Variants in CAMTA1 observed in about 807,000 individuals in gnomAD.
CAMTA1 encodes the protein calmodulin binding transcription activator 1.
In CAMTA1, 27 loss-of-function variants were observed where a neutral mutation model predicts 170.9. That is an observed-to-expected ratio of 0.16 (90% confidence interval 0.12 to 0.22). The LOEUF (loss-of-function observed/expected upper bound fraction) is 0.22. Ranked by LOEUF, CAMTA1 falls within the 10% of genes least tolerant of loss-of-function variation. CAMTA1 has a pLI of 1.00. For missense variants in CAMTA1, 1,619 were observed against 2,217.2 expected, an observed-to-expected ratio of 0.73 and a Z score of 5.42; for synonymous variants, 833 against 891.5, an observed-to-expected ratio of 0.93 and a Z score of 1.17.
chr1:7,244,503 A>G (rs999914624), intron 4 of CAMTA1, among the ~76,000 whole-genome samples: 1 of 152,254 alleles, frequency 6.6e-6, no homozygotes, highest in Non-Finnish European at 1.5e-5. Context: ...AATGTCCAAC[A>G]ATGACAGACT....
chr1:7,038,590 T>C (rs1703977773), intron 3 of CAMTA1, among the ~76,000 whole-genome samples: 1 of 152,246 alleles, frequency 6.6e-6, no homozygotes, highest in Non-Finnish European at 1.5e-5. Context: ...CATCTTGATA[T>C]TTTGATTCAT....
At chr1:7,281,295 G>C (rs919139159) in intron 5 of CAMTA1, among the ~76,000 whole-genome samples, 1 of 152,138 alleles carries the variant, frequency 6.6e-6, no homozygotes, top group South Asian at 2.1e-4. Context: ...GGGTTTCAAG[G>C]TTGTAGGTAT....
chr1:7,657,538 G>T (rs370644604), intron 7 of CAMTA1, among the ~76,000 whole-genome samples: 1 of 152,176 alleles, frequency 6.6e-6, no homozygotes, highest in Non-Finnish European at 1.5e-5. Context: ...CTTTTAACGC[G>T]GTTTCCCTTT....
At position 7,766,779 on chromosome 1, in the gene CAMTA1, G is replaced by T; in HGVS notation, c.*288G>T. ...TCACGGGAAATCAAGACACCCAGGA[G>T]GAATTGAAAGAGGCTTCCTCTTCTC... is the stretch of plus-strand genomic sequence containing the variant. On this transcript the variant is annotated 3_prime_UTR_variant, in exon 23 of 23. Transcript: ENST00000303635. The T allele has an allele frequency of 2.4e-6, 1 of 424,802 alleles. No individual in the cohort carries two copies. The highest frequency in any genetic ancestry group is 4.3e-6 in the Non-Finnish European group (1 of 234,602). The allele number at this position is 424,802 out of a possible 1,614,324, so 26.3% of individuals were successfully genotyped here. A position where few individuals can be genotyped will look rare whatever the true frequency, so the allele number is the denominator to read the frequency against.
chr1:7,104,254 TACAC>T (rs768567199), intron 4 of CAMTA1, among the ~76,000 whole-genome samples: 4 of 43,690 alleles, frequency 9.2e-5, no homozygotes, highest in African/African-American at 7.4e-4. Context: ...ACAACACACA[TACAC>T]ACAACTACAT....
intron 3 of CAMTA1, among the ~76,000 whole-genome samples, chr1:6,899,912 C>G (rs956321744): frequency 6.6e-6 from 1 of 152,208 alleles, no homozygotes; most frequent in African/African-American, 2.4e-5. Context: ...CTGTGTTATA[C>G]AAGCATCTTT....
chr1:7,470,013 G>A (rs765817957), intron 6 of CAMTA1, among the ~76,000 whole-genome samples: 1 of 152,206 alleles, frequency 6.6e-6, no homozygotes, highest in Non-Finnish European at 1.5e-5. Flanking sequence ...CCCAGCTGGC[G>A]GGGAAGTTGG....
chr1:7,496,869 C>T (rs1378987018), intron 6 of CAMTA1, among the ~76,000 whole-genome samples: 2 of 151,746 alleles, frequency 1.3e-5, no homozygotes, highest in African/African-American at 4.8e-5. Context: ...AGTCACTGCA[C>T]GGTCAGCAAG....
chr1:6,997,153 G>T (rs1365052993), intron 3 of CAMTA1, among the ~76,000 whole-genome samples: 7 of 152,092 alleles, frequency 4.6e-5, no homozygotes, highest in Admixed American at 4.6e-4. Context: ...TAATTTTTTT[G>T]TGAATGTTCT....
intron 6 of CAMTA1, among the ~76,000 whole-genome samples, chr1:7,599,971 C>T (rs1274049834): frequency 6.6e-5 from 10 of 152,180 alleles, no homozygotes; most frequent in Admixed American, 1.3e-4. Context: ...GAACTTCCAA[C>T]GCTGTGTTGA....
intron 4 of CAMTA1, among the ~76,000 whole-genome samples, chr1:7,129,911 A>T (rs1645146193): frequency 7.5e-6 from 1 of 133,164 alleles, no homozygotes; most frequent in South Asian, 2.6e-4. Flanking sequence ...TTTTAGATCT[A>T]CCTTCTTTTG....
rs529105683 is a variant in CAMTA1 at position 7,671,726 on chromosome 1, G to T, written c.2779+689G>T. ...AATCCCCCAAGAAACCCTTGGGACA[G>T]CCTCTGTGCTGTCCCTGTGCCTCTG... On this transcript the variant is annotated intron_variant, in intron 10 of 22. Transcript: ENST00000303635. 1.3e-3 allele frequency among the ~76,000 whole-genome samples: 192 copies of T among 152,312 alleles called. 1 individual carries two copies. The highest frequency in any genetic ancestry group is 2.9e-3 in the Admixed American group (45 of 15,302).
Position 7,333,998 on chromosome 1 carries a change from G to A in CAMTA1, c.438+84372G>A, listed in dbSNP as rs1424332835. On this transcript the variant is annotated intron_variant, in intron 5 of 22. Transcript: ENST00000303635. This position sits in a 1 kb window ranked among gnomAD's most constrained non-coding sequence, Gnocchi z 4.4. ...CTCTCCAGCCTGATGTGGGCAAATT[G>A]TGTCACGTAGCCAGGCAAGTGGGAA... 1.3e-5 allele frequency among the ~76,000 whole-genome samples: 2 copies of A among 152,146 alleles called. No individual in the cohort carries two copies. The highest frequency in any genetic ancestry group is 2.9e-5 in the Non-Finnish European group (2 of 68,024).
intron 3 of CAMTA1, among the ~76,000 whole-genome samples, chr1:6,961,363 G>A (rs945800045): frequency 2.0e-5 from 3 of 152,208 alleles, no homozygotes; most frequent in East Asian, 1.9e-4. Context: ...GCTGGGATGA[G>A]CTCTGCACGT....
In CAMTA1 at chr1:7,146,829, C is replaced by T. The variant is rs1042964699; in HGVS notation, c.302+55458C>T. ...ATACACCATGTGCACACACACCACA[C>T]ACACATATACCATGCACACACAAAC... On this transcript the variant is annotated intron_variant, in intron 4 of 22. Transcript: ENST00000303635. The surrounding 1 kb of genome is among the most constrained non-coding windows in gnomAD (Gnocchi z 4.3). Among the ~76,000 whole-genome samples, 6 of 151,902 alleles carry T rather than the reference C, an allele frequency of 3.9e-5. No homozygotes were observed. Among genetic ancestry groups the T allele is most frequent in the Middle Eastern group, 3.4e-3 (1 of 292 alleles).
intron 2 of CAMTA1, among the ~76,000 whole-genome samples, chr1:6,824,408 A>G (rs1646874250): frequency 1.3e-5 from 2 of 152,184 alleles, no homozygotes; most frequent in Admixed American, 6.5e-5. Flanking sequence ...CATACCATCT[A>G]GTCTGAAAGT....
At chr1:6,916,580 G>A (rs1443315567) in intron 3 of CAMTA1, among the ~76,000 whole-genome samples, 1 of 152,164 alleles carries the variant, frequency 6.6e-6, no homozygotes, top group Non-Finnish European at 1.5e-5. Context: ...TAGGTTCCAT[G>A]TGCTTTTATA....
chr1:7,280,085 C>T (rs1250407267), intron 5 of CAMTA1, among the ~76,000 whole-genome samples: 7 of 152,204 alleles, frequency 4.6e-5, no homozygotes, highest in Non-Finnish European at 1.0e-4. Flanking sequence ...TTTATCCTTG[C>T]AAATGTCAGA....
chr1:7,410,100 C>A (rs989667851), intron 5 of CAMTA1, among the ~76,000 whole-genome samples: 47 of 152,228 alleles, frequency 3.1e-4, no homozygotes, highest in Admixed American at 1.2e-3. Context: ...GTTGCTCTCC[C>A]CTCCTTGAAG....
Sources: allele counts gnomAD v4.1 joint callset (sites outside exome capture counted in the v4.1 genomes callset), GRCh38; gene constraint gnomAD v4.1.1; non-coding constraint Gnocchi (gnomAD v3.1); transcripts MANE v1.5; gene names NCBI Gene and HGNC (gene_info 2026-07-23, HGNC 2026-07-21).